The following ACADM variants were observed in gnomAD, a reference collection of about 807,000 sequenced individuals.
The protein encoded by ACADM is acyl-CoA dehydrogenase medium chain, also known as medium-chain specific acyl-CoA dehydrogenase, mitochondrial.
A neutral mutation model predicts 58.9 loss-of-function variants in ACADM; 49 were observed. The observed-to-expected ratio is 0.83, with a 90% CI of 0.66 to 1.06. The LOEUF (loss-of-function observed/expected upper bound fraction) is 1.06. Ranked by LOEUF, ACADM falls within the 50% of genes least tolerant of loss-of-function variation. The pLI is 0.00. For missense variants in ACADM, 496 were observed against 507.0 expected (o/e 0.98, Z 0.21); for synonymous variants, 160 against 157.7 (o/e 1.01, Z -0.11).
At chr1:75,732,595 A>G in intron 2 of ACADM, 49 bp from the exon 3 acceptor site, 1 of 1,421,588 alleles carries the variant, frequency 7.0e-7, no homozygotes, top group Non-Finnish European at 1.0e-6. Context: ...TTCATAGGAC[A>G]TTTTTCCTTG....
chr1:75,752,470 A>G (rs1033631211), intron 10 of ACADM, among the ~76,000 whole-genome samples: 1 of 152,200 alleles, frequency 6.6e-6, no homozygotes, highest in Admixed American at 6.5e-5. Flanking sequence ...TTGGATTAGC[A>G]CTGCTCTGTG....
At chr1:75,725,974 C>G (rs1298002490) in intron 1 of ACADM, among the ~76,000 whole-genome samples, 1 of 152,220 alleles carries the variant, frequency 6.6e-6, no homozygotes, top group Non-Finnish European at 1.5e-5. Context: ...CAAACCACCT[C>G]TCTAATTAAC....
At position 75,762,871 on chromosome 1, in the gene ACADM, A is replaced by G. The variant is rs1178956101; in HGVS notation, c.*108A>G. ...TTCCAGTGAAAACAAATCCTCTTAT[A>G]TTAAATCTAAGCAACTGCTTATTAT... On this transcript the variant is annotated 3_prime_UTR_variant, in exon 12 of 12. Transcript: ENST00000370841. 1 of 695,692 alleles carries G rather than the reference A, an allele frequency of 1.4e-6. No individual in the cohort carries two copies. The highest frequency in any genetic ancestry group is 2.5e-6 in the Non-Finnish European group (1 of 398,734). 43.1% of individuals were successfully genotyped at this position (695,692 alleles called of 1,614,324 possible). A position where few individuals can be genotyped will look rare whatever the true frequency, so the allele number is the denominator to read the frequency against.
At chr1:75,734,692 G>A (rs1647210243) in intron 5 of ACADM, 99 bp from the exon 6 acceptor site, 1 of 950,286 alleles carries the variant, frequency 1.1e-6, no homozygotes, top group Non-Finnish European at 1.6e-6. Flanking sequence ...TACCTGTTAG[G>A]TGAAAAATAG....
chr1:75,733,738 A>G (rs891873381), intron 5 of ACADM, 110 bp downstream of exon 5: 2 of 871,780 alleles, frequency 2.3e-6, no homozygotes, highest in African/African-American at 1.7e-5. Context: ...AGTTACTACT[A>G]GGTAAGGTTA....
rs59063908 is a variant in ACADM at position 75,760,544 on chromosome 1, C to CAAAAAAAAAAAAAAAAAAAAAA, written c.946-563_946-542dup. Among the ~76,000 whole-genome samples, 25 of 35,488 alleles carry CAAAAAAAAAAAAAAAAAAAAAA rather than the reference C, an allele frequency of 7.0e-4. 4 individuals are homozygous for CAAAAAAAAAAAAAAAAAAAAAA. Among genetic ancestry groups the CAAAAAAAAAAAAAAAAAAAAAA allele is most frequent in the Non-Finnish European group, 1.2e-3 (19 of 16,388 alleles). 23.3% of individuals were successfully genotyped at this position (35,488 alleles called of 152,430 possible). On this transcript the variant is annotated intron_variant, in intron 10 of 11. Transcript: ENST00000370841. ...TGGAAAACAAAGTGAGACCCTGTCT[C>CAAAAAAAAAAAAAAAAAAAAAA]AAAAAAAAAAAAAAAAAAAAAAAAA...
chr1:75,753,316 C>G (rs1462095639), intron 10 of ACADM, among the ~76,000 whole-genome samples: 1 of 152,064 alleles, frequency 6.6e-6, no homozygotes, highest in African/African-American at 2.4e-5. Flanking sequence ...CTGCTGAGCC[C>G]AAATCTGAGT....
intron 6 of ACADM, among the ~76,000 whole-genome samples, chr1:75,739,288 A>G (rs926465006): frequency 2.0e-5 from 3 of 152,028 alleles, no homozygotes; most frequent in Non-Finnish European, 2.9e-5. Flanking sequence ...ATTTATCTTC[A>G]CTGTTACATT....
chr1:75,761,099 A>C lies in ACADM; in HGVS notation c.946-23A>C, dbSNP rs765982539. The C allele has an allele frequency of 2.3e-5, 37 of 1,606,332 alleles. No individual in the cohort carries two copies. In the South Asian group the frequency reaches 4.0e-4, roughly 17 times the overall value. On this transcript the variant is annotated intron_variant, in intron 10 of 11. Coordinates refer to ENST00000370841, the MANE Select transcript of ACADM (RefSeq NM_000016.6). The stretch of plus-strand genomic sequence containing the variant: ...TAAGTTTTCTCAATAAATATCCTTT[A>C]ATTTTTTTCTTTTTAATTCTAGCAC...
chr1:75,749,382 A>C (rs754964318), intron 8 of ACADM, 37 bp from the exon 9 acceptor site: 2 of 1,610,132 alleles, frequency 1.2e-6, no homozygotes, highest in South Asian at 2.2e-5. Context: ...TGCTGGCTCA[A>C]AAAAAATTCC....
intron 10 of ACADM, among the ~76,000 whole-genome samples, chr1:75,758,216 C>A (rs567320838): frequency 6.6e-6 from 1 of 152,210 alleles, no homozygotes; most frequent in East Asian, 1.9e-4. Context: ...GCACCTGCCA[C>A]CATGCCTGGC....
chr1:75,759,876 G>A (rs969180652), intron 10 of ACADM, among the ~76,000 whole-genome samples: 7 of 151,680 alleles, frequency 4.6e-5, no homozygotes, highest in Non-Finnish European at 7.4e-5. Context: ...GGTCAGGCTC[G>A]TCTCAAACTC....
chr1:75,742,517 T>A (rs1420171753), intron 7 of ACADM, among the ~76,000 whole-genome samples: 1 of 152,156 alleles, frequency 6.6e-6, no homozygotes, highest in Non-Finnish European at 1.5e-5. Flanking sequence ...CTCAAGGCAA[T>A]CTGAGTCTAG....
intron 2 of ACADM, among the ~76,000 whole-genome samples, chr1:75,730,105 C>T (rs540174922): frequency 1.3e-5 from 2 of 151,938 alleles, no homozygotes; most frequent in African/African-American, 2.4e-5. Context: ...ATGTTGGCAA[C>T]GCTGGTCTCG....
chr1:75,751,681 T>C (rs1209679802), intron 10 of ACADM, among the ~76,000 whole-genome samples: 1 of 151,972 alleles, frequency 6.6e-6, no homozygotes, highest in Non-Finnish European at 1.5e-5. Context: ...ATATTTTTAG[T>C]AGAGATGGGG....
At chr1:75,762,651 G>A in intron 11 of ACADM, 41 bp from the exon 12 acceptor site, 1 of 1,203,184 alleles carries the variant, frequency 8.3e-7, no homozygotes. Flanking sequence ...AAGTATTTAT[G>A]TACTAAAGAT....
chr1:75,756,981 T>C (rs1275427449), intron 10 of ACADM, among the ~76,000 whole-genome samples: 4 of 152,158 alleles, frequency 2.6e-5, no homozygotes, highest in African/African-American at 4.8e-5. Context: ...ATTTAATAAA[T>C]GGTGCTGGGA....
chr1:75,727,407 T>C (rs1647073639), intron 1 of ACADM, among the ~76,000 whole-genome samples: 1 of 152,234 alleles, frequency 6.6e-6, no homozygotes. Flanking sequence ...TTGTTAAAAT[T>C]GCTGGATAGT....
At position 75,757,591 on chromosome 1, in the gene ACADM, C is replaced by T. The variant is rs1003667875; in HGVS notation, c.946-3531C>T. Among the ~76,000 whole-genome samples, 6 of 152,158 alleles carry T rather than the reference C, an allele frequency of 3.9e-5. No individual in the cohort carries two copies. The East Asian group carries it at 1.2e-3, about 29-fold the overall frequency. The stretch of plus-strand genomic sequence containing the variant: ...GAGAGGATGTGGAGAAATAGGAATA[C>T]TTTTACACTGTTGGTGGGACTGTAA... On this transcript the variant is annotated intron_variant, in intron 10 of 11. Coordinates refer to ENST00000370841, the MANE Select transcript of ACADM (RefSeq NM_000016.6).
Sources: allele counts gnomAD v4.1 joint callset (sites outside exome capture counted in the v4.1 genomes callset), GRCh38; gene constraint gnomAD v4.1.1; transcripts MANE v1.5; gene names NCBI Gene and HGNC (gene_info 2026-07-23, HGNC 2026-07-21).